Variants in ENPP1 observed in about 807,000 individuals in gnomAD.
ENPP1 encodes ectonucleotide pyrophosphatase/phosphodiesterase 1, also known as ectonucleotide pyrophosphatase/phosphodiesterase family member 1.
A neutral mutation model predicts 122.8 loss-of-function variants in ENPP1; 73 were observed. That is an observed-to-expected ratio of 0.59 (90% CI 0.49 to 0.72). ENPP1 has a LOEUF of 0.72. Ranked by LOEUF, ENPP1 falls within the 30% of genes least tolerant of loss-of-function variation. The probability of loss-of-function intolerance (pLI) is 0.00; values close to 1 mark genes in which losing one functional copy is unlikely to be tolerated. For missense variants in ENPP1, 978 were observed against 1,128.1 expected (o/e 0.87, Z 1.91); for synonymous variants, 367 against 391.6 (o/e 0.94, Z 0.74).
chr6:131,822,361 G>C (rs918077288), intron 1 of ENPP1, among the ~76,000 whole-genome samples: 1 of 152,042 alleles, frequency 6.6e-6, no homozygotes, highest in African/African-American at 2.4e-5. Context: ...TTCTTTCTTT[G>C]ACTTTCAGTT....
At chr6:131,862,642 G>C (rs967034837) in intron 9 of ENPP1, among the ~76,000 whole-genome samples, 6 of 152,144 alleles carry the variant, frequency 3.9e-5, no homozygotes, top group Non-Finnish European at 7.4e-5. Context: ...CCTGTTCCTG[G>C]GATTGCAAAA....
chr6:131,826,116 G>A, intron 1 of ENPP1: 1 of 819,458 alleles, frequency 1.2e-6, no homozygotes. Context: ...GTGTTTCCAG[G>A]TAATTTCCAA....
intron 11 of ENPP1, among the ~76,000 whole-genome samples, chr6:131,866,844 A>G (rs1031413875): frequency 1.3e-5 from 2 of 152,214 alleles, no homozygotes; most frequent in African/African-American, 4.8e-5. Context: ...CTTGATTTGA[A>G]CAATTGGCTA....
intron 16 of ENPP1, among the ~76,000 whole-genome samples, chr6:131,875,521 A>T (rs187613783): frequency 1.3e-5 from 2 of 152,308 alleles, no homozygotes; most frequent in East Asian, 3.9e-4. Flanking sequence ...ATGAAAAAAA[A>T]ATGTTATCAT....
Position 131,890,813 on chromosome 6 carries a change from C to CAT in ENPP1, c.*303_*304dup. The stretch of plus-strand genomic sequence containing the variant: ...CTCTTAAAGGAGAAGTAGCTGTGAA[C>CAT]ATTGTCTGGATACCAGATATTTGAA... On this transcript the variant is annotated 3_prime_UTR_variant, in exon 25 of 25. Transcript: ENST00000647893. The CAT allele has an allele frequency of 2.6e-6, 1 of 388,566 alleles. No individual in the cohort carries two copies. The highest frequency in any genetic ancestry group is 5.4e-5 in the East Asian group (1 of 18,448). 24.1% of individuals were successfully genotyped at this position (388,566 alleles called of 1,614,324 possible). A position where few individuals can be genotyped will look rare whatever the true frequency, so the allele number is the denominator to read the frequency against.
intron 15 of ENPP1, 63 bp from the exon 16 acceptor site, chr6:131,874,205 A>G: frequency 1.0e-6 from 1 of 964,512 alleles, no homozygotes; most frequent in South Asian, 1.3e-5. Flanking sequence ...AAATAATGTT[A>G]TGATTATCAA....
chr6:131,866,072 A>G (rs2114708339), intron 11 of ENPP1, among the ~76,000 whole-genome samples: 1 of 152,148 alleles, frequency 6.6e-6, no homozygotes, highest in African/African-American at 2.4e-5. Flanking sequence ...CTTCTGATAT[A>G]TATTTTGTTG....
intron 6 of ENPP1, among the ~76,000 whole-genome samples, chr6:131,856,075 G>C (rs1206055663): frequency 6.6e-6 from 1 of 152,024 alleles, no homozygotes; most frequent in African/African-American, 2.4e-5. Context: ...ATAATTTTGG[G>C]AGAGTTTTAA....
chr6:131,823,770 TG>T (rs1781509750), intron 1 of ENPP1, among the ~76,000 whole-genome samples: 1 of 152,064 alleles, frequency 6.6e-6, no homozygotes, highest in African/African-American at 2.4e-5. Context: ...GGCCAGACCC[TG>T]GAGCCAGAGT....
chr6:131,845,957 A>G (rs939149605), intron 1 of ENPP1, among the ~76,000 whole-genome samples: 2 of 152,190 alleles, frequency 1.3e-5, no homozygotes, highest in African/African-American at 4.8e-5. Flanking sequence ...GCATCCTTAA[A>G]GAAGGCTAAC....
At chr6:131,859,358 A>AT (rs1781987210) in intron 7 of ENPP1, among the ~76,000 whole-genome samples, 1 of 151,656 alleles carries the variant, frequency 6.6e-6, no homozygotes, top group African/African-American at 2.4e-5. Flanking sequence ...AGACAACAGC[A>AT]TTGTTTTCAA....
chr6:131,811,540 T>A (rs1400407653), intron 1 of ENPP1, among the ~76,000 whole-genome samples: 1 of 151,950 alleles, frequency 6.6e-6, no homozygotes, highest in Non-Finnish European at 1.5e-5. Context: ...TACAAATGGG[T>A]TTTTAAAGGA....
intron 21 of ENPP1, among the ~76,000 whole-genome samples, chr6:131,883,453 TG>T (rs1782338365): frequency 1.3e-5 from 2 of 152,324 alleles, no homozygotes; most frequent in South Asian, 4.1e-4. Context: ...TTGGGGCTCT[TG>T]TTATTAAAGT....
At chr6:131,808,875 T>A (rs1014952508) in intron 1 of ENPP1, among the ~76,000 whole-genome samples, 7 of 152,234 alleles carry the variant, frequency 4.6e-5, no homozygotes, top group African/African-American at 1.7e-4. Flanking sequence ...AACCAGAGGC[T>A]ACACGGTTTG....
intron 20 of ENPP1, 58 bp downstream of exon 20, chr6:131,880,092 A>G (rs1352506758): frequency 3.4e-6 from 5 of 1,486,718 alleles, no homozygotes; most frequent in Non-Finnish European, 4.7e-6. Flanking sequence ...TAAGCAGAAC[A>G]TTAAATGCAT....
chr6:131,864,591 C>T lies in ENPP1; in HGVS notation c.1091+20C>T, dbSNP rs745895573. The T allele has an allele frequency of 1.3e-6, 2 of 1,521,948 alleles. No individual in the cohort carries two copies. The highest frequency in any genetic ancestry group is 2.3e-5 in the East Asian group (1 of 44,294). 94.3% of individuals were successfully genotyped at this position (1,521,948 alleles called of 1,614,324 possible). ...TGAAAGGTCTGTAGGCAATTAATTT[C>T]TATTGTAAATACTTCGTTTTGTAGA... On this transcript the variant is annotated intron_variant, in intron 10 of 24. Transcript: ENST00000647893.
chr6:131,828,096 C>G, intron 1 of ENPP1: 1 of 612,644 alleles, frequency 1.6e-6, no homozygotes, highest in Non-Finnish European at 3.2e-6. Flanking sequence ...TCGTAACAGA[C>G]AGCGTTGATG....
intron 1 of ENPP1, among the ~76,000 whole-genome samples, chr6:131,846,618 C>G (rs1036423652): frequency 6.6e-6 from 1 of 152,186 alleles, no homozygotes; most frequent in African/African-American, 2.4e-5. Flanking sequence ...TAGGGCCTAC[C>G]AAATATGGGC....
intron 14 of ENPP1, 112 bp from the exon 15 acceptor site, chr6:131,872,811 T>G: frequency 1.8e-6 from 2 of 1,094,360 alleles, no homozygotes; most frequent in Non-Finnish European, 2.6e-6. Context: ...TTGACACTTT[T>G]TATAGATATT....
Sources: allele counts gnomAD v4.1 joint callset (sites outside exome capture counted in the v4.1 genomes callset), GRCh38; gene constraint gnomAD v4.1.1; transcripts MANE v1.5; gene names NCBI Gene and HGNC (gene_info 2026-07-23, HGNC 2026-07-21).